Variants in CACNA2D4 observed in about 807,000 individuals in gnomAD.
CACNA2D4 encodes calcium voltage-gated channel auxiliary subunit alpha2delta 4, also known as voltage-dependent calcium channel subunit alpha-2/delta-4.
A neutral mutation model predicts 163.8 loss-of-function variants in CACNA2D4; 157 were observed. The observed-to-expected ratio is 0.96, with a 90% confidence interval of 0.84 to 1.09. The LOEUF is 1.09. Ranked by LOEUF, CACNA2D4 falls within the 50% of genes least tolerant of loss-of-function variation. The pLI is 0.00. For missense variants in CACNA2D4, 1,410 were observed against 1,479.9 expected (o/e 0.95, Z 0.78); for synonymous variants, 598 against 586.9 (o/e 1.02, Z -0.27).
rs1484450965 is a variant in CACNA2D4, at chr12:1,802,244, A to AC, written c.2722-601dup. Among the ~76,000 whole-genome samples the AC allele has an allele frequency of 1.3e-5, 2 of 152,082 alleles. No individual in the cohort carries two copies. The highest frequency in any genetic ancestry group is 2.9e-5 in the Non-Finnish European group (2 of 68,010). ...TTGTCCCCTCCATGACAATGACCTAACCGGATCCCTTGCCCTGTCTCCATT... is the reference window on the plus strand; with the variant it reads ...TTGTCCCCTCCATGACAATGACCTAACCCGGATCCCTTGCCCTGTCTCCATT... On this transcript the variant is annotated intron_variant, in intron 29 of 37. Coordinates refer to ENST00000382722, the MANE Select transcript of CACNA2D4 (RefSeq NM_172364.5). This position sits in a 1 kb window ranked among gnomAD's most constrained non-coding sequence, Gnocchi z 4.7.
intron 14 of CACNA2D4, 42 bp downstream of exon 14, chr12:1,879,762 G>T (rs951728914): frequency 8.0e-6 from 12 of 1,490,864 alleles, no homozygotes; most frequent in South Asian, 6.0e-5. Flanking sequence ...GAAGCCCCAG[G>T]TTCTAATCCC....
In CACNA2D4 at chr12:1,884,337, C is replaced by T. The variant is rs765628336; in HGVS notation, c.1273-16G>A. On this transcript the variant is annotated splice_polypyrimidine_tract_variant and intron_variant, in intron 11 of 37. Coordinates refer to ENST00000382722, the MANE Select transcript of CACNA2D4 (RefSeq NM_172364.5). ...AAACTCGGACCTAACCCACAAGACA[C>T]AGAGGCACTCAGCAGCAAAATTCCC... The T allele has an allele frequency of 3.1e-6, 5 of 1,605,530 alleles. No homozygotes were observed. In the Admixed American group the frequency reaches 6.7e-5, roughly 22 times the overall value.
At chr12:1,872,435 G>A (rs1592724837) in intron 18 of CACNA2D4, among the ~76,000 whole-genome samples, 1 of 152,306 alleles carries the variant, frequency 6.6e-6, no homozygotes, top group East Asian at 1.9e-4. Context: ...GAGATGGCTC[G>A]AACAGTAACA....
chr12:1,882,744 C>T, intron 13 of CACNA2D4, 123 bp downstream of exon 13: 2 of 1,013,086 alleles, frequency 2.0e-6, no homozygotes, highest in Non-Finnish European at 2.9e-6. Context: ...TTCGCCCCTT[C>T]TTAATGTTCC....
chr12:1,841,814 G>A (rs540548514), intron 25 of CACNA2D4, among the ~76,000 whole-genome samples: 7 of 152,226 alleles, frequency 4.6e-5, no homozygotes, highest in South Asian at 4.1e-4. Context: ...CATCTGCCAC[G>A]TCACCAAGAT....
chr12:1,884,026 T>TGAAA, intron 12 of CACNA2D4: 1 of 529,176 alleles, frequency 1.9e-6, no homozygotes, highest in East Asian at 2.9e-5. Flanking sequence ...CTTACTTTGC[T>TGAAA]GAAAGAAAGA....
chr12:1,830,800 T>A (rs1030974794), intron 26 of CACNA2D4: 1 of 692,750 alleles, frequency 1.4e-6, no homozygotes, highest in African/African-American at 1.8e-5. Context: ...TTAATAAACG[T>A]TTATGCATTG....
chr12:1,860,291 TC>T, intron 18 of CACNA2D4, 85 bp from the exon 19 acceptor site: 3 of 959,710 alleles, frequency 3.1e-6, no homozygotes, highest in Non-Finnish European at 4.9e-6. Context: ...CTTGGGGTCT[TC>T]ATCGTCACTG....
At position 1,885,023 on chromosome 12, in the gene CACNA2D4, G is replaced by A. The variant is rs1866101435; in HGVS notation, c.1122C>T (p.Asp374=). The A allele has an allele frequency of 5.0e-6, 8 of 1,613,808 alleles. No homozygotes were observed. Among genetic ancestry groups the A allele is most frequent in the Non-Finnish European group, 5.9e-6 (7 of 1,179,876 alleles). The change falls in exon 10 of 38, where the codon GAC becomes GAT. Residue 374 remains aspartate, a synonymous_variant. Coordinates refer to ENST00000382722, the MANE Select transcript of CACNA2D4 (RefSeq NM_172364.5). ...ELMVKGVGVV[D]QALREAFQIL... ...TCTGGAAGGCTTCTCTCAGGGCTTG[G>A]TCCACGACCCCCACACCTTTGACCA...
chr12:1,861,556 C>T (rs1865525495), intron 18 of CACNA2D4, among the ~76,000 whole-genome samples: 1 of 151,990 alleles, frequency 6.6e-6, no homozygotes, highest in Admixed American at 6.6e-5. Flanking sequence ...AATTCTCCCA[C>T]CTCAGCCCCC....
Position 1,875,127 on chromosome 12 carries a change from C to G in CACNA2D4, c.1806+124G>C, listed in dbSNP as rs1267941761. 5 of 695,998 alleles carry G rather than the reference C, an allele frequency of 7.2e-6. No homozygotes were observed. The highest frequency in any genetic ancestry group is 1.3e-5 in the Non-Finnish European group (5 of 384,032). The allele number at this position is 695,998 out of a possible 1,614,324, so 43.1% of individuals were successfully genotyped here. A position where few individuals can be genotyped will look rare whatever the true frequency, so the allele number is the denominator to read the frequency against. On this transcript the variant is annotated intron_variant, in intron 17 of 37. Coordinates refer to ENST00000382722, the MANE Select transcript of CACNA2D4 (RefSeq NM_172364.5). This position sits in a 1 kb window ranked among gnomAD's most constrained non-coding sequence, Gnocchi z 4.0. ...CTTGTGGCTTGAGCTTGGAAAGGCT[C>G]TGGGATGAACCTGTTCTGCCTGACA...
intron 16 of CACNA2D4, among the ~76,000 whole-genome samples, chr12:1,876,680 C>T (rs1331721312): frequency 6.6e-6 from 1 of 152,062 alleles, no homozygotes; most frequent in Non-Finnish European, 1.5e-5. Flanking sequence ...GTAGGATCCC[C>T]TTTCCCCTCT....
At chr12:1,896,525 C>G (rs914301733) in intron 6 of CACNA2D4, among the ~76,000 whole-genome samples, 3 of 151,686 alleles carry the variant, frequency 2.0e-5, no homozygotes, top group Non-Finnish European at 4.4e-5. Context: ...AAAAAATGCT[C>G]AATATCACGA....
In CACNA2D4 at chr12:1,830,889, G is replaced by T; in HGVS notation, c.2551+9850C>A. The T allele has an allele frequency of 2.7e-6, 4 of 1,481,582 alleles. No homozygotes were observed. In the South Asian group the frequency reaches 5.2e-5, roughly 19 times the overall value. The allele number at this position is 1,481,582 out of a possible 1,614,324, so 91.8% of individuals were successfully genotyped here. On this transcript the variant is annotated intron_variant, in intron 26 of 37. Coordinates refer to ENST00000382722, the MANE Select transcript of CACNA2D4 (RefSeq NM_172364.5). The stretch of plus-strand genomic sequence containing the variant: ...GGAGGGAAGAGAAGCAGGAGGTGGT[G>T]ACCCGTCCTATTGCTTTCTTTCCCC...
chr12:1,896,655 A>AC (rs1308278517), intron 6 of CACNA2D4, among the ~76,000 whole-genome samples: 6 of 141,278 alleles, frequency 4.2e-5, no homozygotes, highest in African/African-American at 1.3e-4. Flanking sequence ...ACACACACAC[A>AC]AAACAGATGC....
Position 1,821,603 on chromosome 12 carries a change from T to A in CACNA2D4, c.2552-9880A>T, listed in dbSNP as rs552369530. Among the ~76,000 whole-genome samples the A allele has an allele frequency of 9.1e-4, 138 of 152,196 alleles. 1 individual carries two copies. Among genetic ancestry groups the A allele is most frequent in the Middle Eastern group, 3.4e-3 (1 of 294 alleles). ...TGGGTCAGGGAGCCTTAGTGGGGGC[T>A]GGACACTGAGCTTGGGTGGGGGGTA... On this transcript the variant is annotated intron_variant, in intron 26 of 37. Transcript: ENST00000382722.
intron 18 of CACNA2D4, among the ~76,000 whole-genome samples, chr12:1,861,369 G>T (rs1290497484): frequency 3.3e-5 from 5 of 152,142 alleles, no homozygotes; most frequent in South Asian, 4.1e-4. Context: ...AGATGTCTTG[G>T]GGGAGTTGGG....
At chr12:1,801,317 G>A (rs1863316747) in intron 30 of CACNA2D4, among the ~76,000 whole-genome samples, 199 bp from the exon 31 acceptor site, 2 of 152,222 alleles carry the variant, frequency 1.3e-5, no homozygotes, top group Admixed American at 1.3e-4. Flanking sequence ...AAGAGCAAAT[G>A]GCTTTTGCCC....
At chr12:1,900,921 C>G (rs902522244) in intron 6 of CACNA2D4, among the ~76,000 whole-genome samples, 2 of 152,190 alleles carry the variant, frequency 1.3e-5, no homozygotes, top group Admixed American at 6.5e-5. Flanking sequence ...GCACATGGAT[C>G]ATTCTCAAGG....
Sources: allele counts gnomAD v4.1 joint callset (sites outside exome capture counted in the v4.1 genomes callset), GRCh38; gene constraint gnomAD v4.1.1; non-coding constraint Gnocchi (gnomAD v3.1); transcripts MANE v1.5; gene names NCBI Gene and HGNC (gene_info 2026-07-23, HGNC 2026-07-21).